The following CEACAM1 variants were observed in gnomAD, a reference collection of about 807,000 sequenced individuals.
CEACAM1 encodes CEA cell adhesion molecule 1.
A neutral mutation model predicts 49.1 loss-of-function variants in CEACAM1; 31 were observed. The observed-to-expected ratio is 0.63, with a 90% CI of 0.47 to 0.85. The LOEUF (loss-of-function observed/expected upper bound fraction) is 0.85, where lower values mean the gene tolerates loss of function less well. CEACAM1 is among the 40% of genes least tolerant of loss of function. CEACAM1 has a pLI of 0.00. For synonymous variants in CEACAM1, 244 were observed against 247.8 expected (o/e 0.98, Z 0.14); for missense variants, 570 against 645.3 (o/e 0.88, Z 1.26).
At chr19:42,516,076 T>C (rs964512159) in intron 5 of CEACAM1, among the ~76,000 whole-genome samples, 2 of 152,168 alleles carry the variant, frequency 1.3e-5, no homozygotes, top group African/African-American at 4.8e-5. Context: ...ACCATCATAG[T>C]CAATGGTGAA....
chr19:42,519,288 T>G (rs1332646671), intron 4 of CEACAM1, 53 bp from the exon 5 acceptor site: 3 of 1,573,062 alleles, frequency 1.9e-6, no homozygotes, highest in East Asian at 4.5e-5. Flanking sequence ...GGTTGGGGCC[T>G]GGGGCCTAGG....
Position 42,520,753 on chromosome 19 carries a change from G to A in CEACAM1, c.958+514C>T, listed in dbSNP as rs555706618. On this transcript the variant is annotated intron_variant, in intron 4 of 8. Coordinates refer to ENST00000161559, the MANE Select transcript of CEACAM1 (RefSeq NM_001712.5). ...CACACCTGCGTCCTACCCCACATGG[G>A]GTCAGGGCAGAGCCAATCACCGGGC... is the stretch of plus-strand genomic sequence containing the variant. 1.7e-4 allele frequency: 29 copies of A among 166,718 alleles called. No individual in the cohort carries two copies. In the East Asian group the frequency reaches 4.1e-3, roughly 24 times the overall value. 10.3% of individuals were successfully genotyped at this position (166,718 alleles called of 1,614,324 possible). A position where few individuals can be genotyped will look rare whatever the true frequency, so the allele number is the denominator to read the frequency against.
rs546361623 is a variant in CEACAM1 at position 42,507,462 on chromosome 19, G to A, written c.*1647C>T. 2 of 152,298 alleles carry A rather than the reference G, an allele frequency of 1.3e-5. No individual in the cohort carries two copies. The highest frequency in any genetic ancestry group is 3.9e-4 in the East Asian group (2 of 5,182). The allele number at this position is 152,298 out of a possible 1,614,324, so 9.4% of individuals were successfully genotyped here. A position where few individuals can be genotyped will look rare whatever the true frequency, so the allele number is the denominator to read the frequency against. On this transcript the variant is annotated 3_prime_UTR_variant, in exon 9 of 9. Coordinates refer to ENST00000161559, the MANE Select transcript of CEACAM1 (RefSeq NM_001712.5). ...GTCAGGGTTAGAAAACCCTGAAAGA[G>A]GTACCTGAGTATAGAGAACTCCAAG...
In CEACAM1 at chr19:42,519,215, T is replaced by C; in HGVS notation, c.979A>G (p.Lys327Glu). Residue 327 changes from lysine (K) to glutamate (E), a missense_variant, in exon 5 of 9, where the codon AAG (lysine) becomes GAG (glutamate). Lys to Glu is a moderately conservative substitution (Grantham distance 56). Coordinates refer to ENST00000161559, the MANE Select transcript of CEACAM1 (RefSeq NM_001712.5). The part of the protein sequence containing the change: ...IVTELSPVVA[K>E]PQIKASKTTV... ...GTCTTGCTGGCTTTGATTTGGGGCT[T>C]TGCTACTACTGGACTTAGCTCTGTG... 6.2e-7 allele frequency: 1 copy of C among 1,614,110 alleles called. No individual in the cohort carries two copies. The highest frequency in any genetic ancestry group is 8.5e-7 in the Non-Finnish European group (1 of 1,180,026).
In CEACAM1 at chr19:42,521,302, C is replaced by T. The variant is rs748012689; in HGVS notation, c.923G>A (p.Cys308Tyr). Residue 308 changes from cysteine to tyrosine, a missense_variant, in exon 4 of 9, where the codon TGC becomes TAC. Cys to Tyr is a radical substitution (Grantham distance 194, BLOSUM62 -2). Coordinates refer to ENST00000161559, the MANE Select transcript of CEACAM1 (RefSeq NM_001712.5). ...GATCGTCTTGACTGTGGTCCTGTTG[C>T]AGCCAGTGACTGAGTTATTGGCGTG... ...TCHANNSVTG[C>Y]NRTTVKTIIV... is the part of the protein sequence containing the mutation. 2.2e-5 allele frequency: 35 copies of T among 1,614,096 alleles called. No individual in the cohort carries two copies. In the East Asian group the frequency reaches 6.9e-4, roughly 32 times the overall value.
At chr19:42,509,573 C>T (rs184821005) in intron 8 of CEACAM1, among the ~76,000 whole-genome samples, 1 of 152,014 alleles carries the variant, frequency 6.6e-6, no homozygotes, top group East Asian at 1.9e-4. Flanking sequence ...CAATACTAAT[C>T]TGGAGCATTA....
chr19:42,527,212 C>G lies in CEACAM1; in HGVS notation c.253G>C (p.Gly85Arg). 2.5e-6 allele frequency: 4 copies of G among 1,614,084 alleles called. No individual in the cohort carries two copies. The highest frequency in any genetic ancestry group is 3.4e-6 in the Non-Finnish European group (4 of 1,179,996). ...GNRQIVGYAIGTQQATPGPAN... is the reference protein window; with the variant it reads ...GNRQIVGYAIRTQQATPGPAN... ...GGCCCTGGGGTAGCTTGTTGAGTTCCTATTGCATATCCTACAATTTGACGG... is the reference window on the plus strand; with the variant it reads ...GGCCCTGGGGTAGCTTGTTGAGTTCGTATTGCATATCCTACAATTTGACGG... Residue 85 changes from glycine to arginine, a missense_variant, in exon 2 of 9, where the codon GGA (glycine) becomes CGA (arginine). Coordinates refer to ENST00000161559, the MANE Select transcript of CEACAM1 (RefSeq NM_001712.5).
At chr19:42,527,986 C>T (rs1199260201) in intron 1 of CEACAM1, among the ~76,000 whole-genome samples, 1 of 152,208 alleles carries the variant, frequency 6.6e-6, no homozygotes, top group Non-Finnish European at 1.5e-5. Context: ...GTTGGTGGCT[C>T]AGGGCTCTGT....
intron 5 of CEACAM1, 159 bp downstream of exon 5, chr19:42,518,789 T>G: frequency 2.4e-6 from 2 of 844,042 alleles, no homozygotes; most frequent in Admixed American, 4.4e-5. Flanking sequence ...CGTGAGCCAC[T>G]GTGCCCGGCC....
chr19:42,510,093 CT>C (rs912668480), intron 8 of CEACAM1, among the ~76,000 whole-genome samples: 8 of 148,582 alleles, frequency 5.4e-5, no homozygotes, highest in Non-Finnish European at 6.0e-5. Context: ...ATGAAAACTT[CT>C]TTTTTTTTTG....
chr19:42,521,018 C>T (rs10402677), intron 4 of CEACAM1: 76,624 of 498,240 alleles, frequency 0.15, 10,181 homozygotes, highest in African/African-American at 0.49. Flanking sequence ...TCCTGCTACA[C>T]GGGGCTTTCT....
At chr19:42,524,881 A>G (rs1475146396) in intron 2 of CEACAM1, among the ~76,000 whole-genome samples, 5 of 152,002 alleles carry the variant, frequency 3.3e-5, no homozygotes, top group Admixed American at 2.0e-4. Context: ...GAGTCACATG[A>G]AATATGGTAC....
intron 2 of CEACAM1, among the ~76,000 whole-genome samples, chr19:42,523,105 C>G (rs1433370340): frequency 6.6e-6 from 1 of 152,218 alleles, no homozygotes; most frequent in Non-Finnish European, 1.5e-5. Flanking sequence ...CCTGACCCAC[C>G]TGTGGGTCCT....
At chr19:42,516,105 T>C (rs2041593885) in intron 5 of CEACAM1, among the ~76,000 whole-genome samples, 1 of 152,106 alleles carries the variant, frequency 6.6e-6, no homozygotes, top group Non-Finnish European at 1.5e-5. Context: ...AACTTTTCCT[T>C]TAAGATCAAG....
Position 42,508,852 on chromosome 19 carries a change from T to G in CEACAM1, c.*257A>C. The G allele has an allele frequency of 4.7e-6, 2 of 424,884 alleles. No individual in the cohort carries two copies. The highest frequency in any genetic ancestry group is 4.9e-5 in the South Asian group (2 of 40,890). The allele number at this position is 424,884 out of a possible 1,614,324, so 26.3% of individuals were successfully genotyped here. A position where few individuals can be genotyped will look rare whatever the true frequency, so the allele number is the denominator to read the frequency against. Reference sequence around the variant, plus strand: ...GGAAGGGAGGGGAAGTTCTGGTCCCTCTTTCCCAAAGTCAGCTTTGCCAAA... The same window carrying G: ...GGAAGGGAGGGGAAGTTCTGGTCCCGCTTTCCCAAAGTCAGCTTTGCCAAA... On this transcript the variant is annotated 3_prime_UTR_variant, in exon 9 of 9. Coordinates refer to ENST00000161559, the MANE Select transcript of CEACAM1 (RefSeq NM_001712.5).
At chr19:42,519,540 C>T (rs939664193) in intron 4 of CEACAM1, 2 of 268,848 alleles carry the variant, frequency 7.4e-6, no homozygotes, top group African/African-American at 4.5e-5. Context: ...CGAGCAACCT[C>T]ATCATCAGGT....
intron 4 of CEACAM1, among the ~76,000 whole-genome samples, chr19:42,519,899 A>G (rs995589995): frequency 5.9e-5 from 9 of 152,176 alleles, no homozygotes; most frequent in African/African-American, 2.2e-4. Flanking sequence ...AGCTGTGATC[A>G]GGCATCCTTC....
chr19:42,519,340 C>A, intron 4 of CEACAM1, 105 bp from the exon 5 acceptor site: 1 of 1,138,784 alleles, frequency 8.8e-7, no homozygotes, highest in South Asian at 1.4e-5. Flanking sequence ...CTCTCAGGTC[C>A]CACAGTGAGC....
At position 42,509,220 on chromosome 19, in the gene CEACAM1, T is replaced by G; in HGVS notation, c.1470A>C (p.Glu490Asp). 6.2e-7 allele frequency: 1 copy of G among 1,609,160 alleles called. No individual in the cohort carries two copies. The highest frequency in any genetic ancestry group is 8.5e-7 in the Non-Finnish European group (1 of 1,177,454). ...HSNDPPNKMN[E>D]VTYSTLNFEA... Reference sequence around the variant, plus strand: ...CAAAGTTCAGGGTAGAATAAGTAACTTCATTCATCTGAAAAGCACAAATAA... The same window carrying G: ...CAAAGTTCAGGGTAGAATAAGTAACGTCATTCATCTGAAAAGCACAAATAA... Residue 490 changes from glutamate to aspartate, a missense_variant, in exon 9 of 9, where the codon GAA becomes GAC. Transcript: ENST00000161559.
Sources: allele counts gnomAD v4.1 joint callset (sites outside exome capture counted in the v4.1 genomes callset), GRCh38; gene constraint gnomAD v4.1.1; transcripts MANE v1.5; gene names NCBI Gene and HGNC (gene_info 2026-07-23, HGNC 2026-07-21).